Variants in PLPPR1 observed in about 807,000 individuals in gnomAD.
PLPPR1 encodes the protein phospholipid phosphatase-related protein type 1.
PLPPR1 carries 10 observed loss-of-function variants against 33.1 expected under a neutral mutation model. The observed-to-expected ratio is 0.30, with a 90% CI of 0.19 to 0.51. The LOEUF is 0.51. Ranked by LOEUF, PLPPR1 falls within the 20% of genes least tolerant of loss-of-function variation. The pLI is 0.97. For missense variants in PLPPR1, 304 were observed against 408.1 expected (o/e 0.74, Z 2.20); for synonymous variants, 151 against 151.0 (o/e 1.00, Z 0.00).
Position 101,189,949 on chromosome 9 carries a change from T to G in PLPPR1, c.63+4392T>G, listed in dbSNP as rs148465104. Among the ~76,000 whole-genome samples, 104 of 152,274 alleles carry G rather than the reference T, an allele frequency of 6.8e-4. 1 individual carries two copies. The highest frequency in any genetic ancestry group is 1.3e-3 in the Non-Finnish European group (86 of 68,010). On this transcript the variant is annotated intron_variant, in intron 2 of 7. Coordinates refer to ENST00000374874, the MANE Select transcript of PLPPR1 (RefSeq NM_207299.2). Reference sequence around the variant, plus strand: ...TTTCTTTAGCTCATGGTGGACTGTTTCCTTATATTTGTGGTTTTTGTTTAG... The same window carrying G: ...TTTCTTTAGCTCATGGTGGACTGTTGCCTTATATTTGTGGTTTTTGTTTAG...
At chr9:101,207,534 T>TG (rs1034184939) in intron 2 of PLPPR1, among the ~76,000 whole-genome samples, 4 of 152,096 alleles carry the variant, frequency 2.6e-5, no homozygotes, top group African/African-American at 9.7e-5. Context: ...TGAGATGAAG[T>TG]GGGGGTGTGA....
chr9:101,135,224 T>C (rs1484822378), intron 1 of PLPPR1, among the ~76,000 whole-genome samples: 1 of 152,000 alleles, frequency 6.6e-6, no homozygotes, highest in Non-Finnish European at 1.5e-5. Context: ...CACACCATAT[T>C]CCCTAAAGCG....
intron 1 of PLPPR1, among the ~76,000 whole-genome samples, chr9:101,112,646 G>A (rs114243685): frequency 0.018 from 2,749 of 152,298 alleles, 89 homozygotes; most frequent in African/African-American, 0.063. Context: ...AACTGAGCTT[G>A]ACAGTTTCCG....
chr9:101,081,818 G>C (rs76703571), intron 1 of PLPPR1, among the ~76,000 whole-genome samples: 1,838 of 152,306 alleles, frequency 0.012, 34 homozygotes, highest in African/African-American at 0.042. Context: ...TGTTATCAGG[G>C]GAATCCGCTG....
At chr9:101,039,493 GA>G (rs901756002) in intron 1 of PLPPR1, among the ~76,000 whole-genome samples, 38 of 152,206 alleles carry the variant, frequency 2.5e-4, no homozygotes, top group African/African-American at 8.9e-4. Context: ...ATAGTGCTTA[GA>G]ACCATTTAGA....
chr9:101,238,063 TAC>T (rs1827353564), intron 2 of PLPPR1, among the ~76,000 whole-genome samples: 1 of 136,892 alleles, frequency 7.3e-6, no homozygotes, highest in Non-Finnish European at 1.6e-5. Flanking sequence ...AGCCTATATA[TAC>T]GTGTGTGTGT....
At chr9:101,276,304 T>A (rs1398763395) in intron 3 of PLPPR1, among the ~76,000 whole-genome samples, 2 of 152,222 alleles carry the variant, frequency 1.3e-5, no homozygotes, top group Admixed American at 6.5e-5. Flanking sequence ...CTGGAAAAAA[T>A]TTCTAGATAT....
chr9:101,189,822 T>C lies in PLPPR1; in HGVS notation c.63+4265T>C, dbSNP rs143323904. Among the ~76,000 whole-genome samples, 504 of 152,218 alleles carry C rather than the reference T, an allele frequency of 3.3e-3. 3 individuals are homozygous for C. Among genetic ancestry groups the C allele is most frequent in the African/African-American group, 0.012 (491 of 41,556 alleles). On this transcript the variant is annotated intron_variant, in intron 2 of 7. Transcript: ENST00000374874. The stretch of plus-strand genomic sequence containing the variant: ...ATAGTGTCATTTTCTGTGCTTATGG[T>C]TTTAGTTTGTCTTTAATTATATCAA...
chr9:101,308,697 A>G (rs1416729838), intron 4 of PLPPR1, among the ~76,000 whole-genome samples: 1 of 151,054 alleles, frequency 6.6e-6, no homozygotes. Flanking sequence ...CTCACCTGCC[A>G]TGTTGTAAAT....
chr9:101,195,588 G>A (rs1447719648), intron 2 of PLPPR1, among the ~76,000 whole-genome samples: 2 of 152,062 alleles, frequency 1.3e-5, no homozygotes, highest in Admixed American at 6.5e-5. Flanking sequence ...TGAGTGACTG[G>A]ACTAGGAGAC....
chr9:101,255,772 A>G lies in PLPPR1; in HGVS notation c.64-14108A>G, dbSNP rs111416224. 3.9e-5 allele frequency among the ~76,000 whole-genome samples: 6 copies of G among 152,316 alleles called. No individual in the cohort carries two copies. The South Asian group carries it at 1.0e-3, about 26-fold the overall frequency. ...CATGCAACTGAGTAGTGGCAATACA[A>G]TATGGAATGTGCTTATCATTGCTAC... On this transcript the variant is annotated intron_variant, in intron 2 of 7. Coordinates refer to ENST00000374874, the MANE Select transcript of PLPPR1 (RefSeq NM_207299.2).
chr9:101,071,837 A>C (rs1830485845), intron 1 of PLPPR1, among the ~76,000 whole-genome samples: 1 of 152,206 alleles, frequency 6.6e-6, no homozygotes, highest in African/African-American at 2.4e-5. Context: ...CATAGAGCCC[A>C]GGGTAGGGTG....
At chr9:101,300,103 A>G (rs970608171) in intron 4 of PLPPR1, among the ~76,000 whole-genome samples, 30 of 152,328 alleles carry the variant, frequency 2.0e-4, no homozygotes, top group African/African-American at 7.2e-4. Flanking sequence ...ATGACTCAAC[A>G]GTTAGTAAAG....
chr9:101,298,391 C>G (rs1423772742), intron 4 of PLPPR1, among the ~76,000 whole-genome samples: 1 of 152,128 alleles, frequency 6.6e-6, no homozygotes, highest in Non-Finnish European at 1.5e-5. Context: ...TAATTAATTT[C>G]CATAAATCAA....
At chr9:101,036,378 G>A (rs986544973) in intron 1 of PLPPR1, among the ~76,000 whole-genome samples, 2 of 152,090 alleles carry the variant, frequency 1.3e-5, no homozygotes, top group Non-Finnish European at 2.9e-5. Flanking sequence ...CATTGTAAAA[G>A]CAAAGCCAAA....
At position 101,297,345 on chromosome 9, in the gene PLPPR1, C is replaced by G. The variant is rs7040414; in HGVS notation, c.385+11109C>G. 3.9e-5 allele frequency among the ~76,000 whole-genome samples: 6 copies of G among 152,220 alleles called. No individual in the cohort carries two copies. The East Asian group carries it at 7.7e-4, about 20-fold the overall frequency. ...CTTCTCTAATTCTTTTGTCTCCTCT[C>G]GTCTGTGTGGCATGGATTTGAAGGA... On this transcript the variant is annotated intron_variant, in intron 4 of 7. Coordinates refer to ENST00000374874, the MANE Select transcript of PLPPR1 (RefSeq NM_207299.2).
At chr9:101,043,144 T>C (rs1244164864) in intron 1 of PLPPR1, among the ~76,000 whole-genome samples, 3 of 151,974 alleles carry the variant, frequency 2.0e-5, no homozygotes, top group African/African-American at 7.3e-5. Flanking sequence ...CACTTATGAG[T>C]GAGAACATAC....
intron 2 of PLPPR1, among the ~76,000 whole-genome samples, chr9:101,232,175 C>T (rs946898333): frequency 3.3e-5 from 5 of 151,832 alleles, no homozygotes; most frequent in Non-Finnish European, 7.4e-5. Flanking sequence ...TTTCTGGTGC[C>T]GTTTTATTTT....
Position 101,309,392 on chromosome 9 carries a change from A to G in PLPPR1, c.567A>G (p.Ile189Met). Reference sequence around the variant, plus strand: ...TTTGTACTGGGGACCTGGAAGTGATAGAAAAGGCTCGGAGATCCTTTCCCT... The same window carrying G: ...TTTGTACTGGGGACCTGGAAGTGATGGAAAAGGCTCGGAGATCCTTTCCCT... ...GNICTGDLEV[I>M]EKARRSFPSK... Residue 189 changes from isoleucine (I) to methionine (M), a missense_variant, in exon 5 of 8, where the codon ATA (isoleucine) becomes ATG (methionine). By Grantham distance (10) the Ile-to-Met change is conservative. Coordinates refer to ENST00000374874, the MANE Select transcript of PLPPR1 (RefSeq NM_207299.2). 1 of 1,614,110 alleles carries G rather than the reference A, an allele frequency of 6.2e-7. No individual in the cohort carries two copies.
Sources: allele counts gnomAD v4.1 joint callset (sites outside exome capture counted in the v4.1 genomes callset), GRCh38; gene constraint gnomAD v4.1.1; transcripts MANE v1.5; gene names NCBI Gene and HGNC (gene_info 2026-07-23, HGNC 2026-07-21).